CHRM5: variants seen among roughly 807,000 people sequenced by gnomAD.
The protein encoded by CHRM5 is cholinergic receptor muscarinic 5, also known as muscarinic acetylcholine receptor M5.
Under a neutral mutation model 39.0 loss-of-function variants are expected in CHRM5, and 18 were observed. The observed-to-expected ratio is 0.46, with a 90% confidence interval of 0.32 to 0.68. CHRM5 has a LOEUF of 0.68. Among genes scored for constraint, CHRM5 ranks in the 30% least tolerant of loss-of-function variants. The probability of loss-of-function intolerance (pLI) is 0.04; values close to 1 mark genes in which losing one functional copy is unlikely to be tolerated. For missense variants in CHRM5, 515 were observed against 651.1 expected, an observed-to-expected ratio of 0.79 and a Z score of 2.28; for synonymous variants, 241 against 246.3, an observed-to-expected ratio of 0.98 and a Z score of 0.20.
In CHRM5 at chr15:34,064,568, G is replaced by A; in HGVS notation, c.*252G>A. The A allele has an allele frequency of 1.9e-6, 1 of 533,102 alleles. No individual in the cohort carries two copies. The highest frequency in any genetic ancestry group is 2.4e-5 in the South Asian group (1 of 41,104). 33.0% of individuals were successfully genotyped at this position (533,102 alleles called of 1,614,324 possible). ...GGGGAGTTTGCCAATGAAGTAAAGG[G>A]ATAGGCTCATGGCCCTTCACAAGAG... On this transcript the variant is annotated 3_prime_UTR_variant, in exon 3 of 3. Transcript: ENST00000383263.
Position 34,064,681 on chromosome 15 carries a change from C to A in CHRM5, c.*365C>A, listed in dbSNP as rs1473482073. On this transcript the variant is annotated 3_prime_UTR_variant, in exon 3 of 3. Transcript: ENST00000383263. ...GCAGAGACCAGGTGGAAACCTTTTC[C>A]TGTGGAAACCTGTCATAGAATTTTG... The A allele has an allele frequency of 8.5e-6, 2 of 234,458 alleles. No homozygotes were observed. The highest frequency in any genetic ancestry group is 4.6e-5 in the African/African-American group (2 of 43,678). The allele number at this position is 234,458 out of a possible 1,614,324, so 14.5% of individuals were successfully genotyped here.
intron 1 of CHRM5, chr15:34,003,259 T>C: frequency 6.4e-7 from 1 of 1,563,184 alleles, no homozygotes; most frequent in Non-Finnish European, 8.7e-7. Context: ...AATCCTGACC[T>C]TAGTAGACTT....
intron 1 of CHRM5, among the ~76,000 whole-genome samples, chr15:34,009,363 T>C (rs1290218726): frequency 6.6e-6 from 1 of 152,180 alleles, no homozygotes; most frequent in African/African-American, 2.4e-5. Context: ...AACTATAAAA[T>C]ATCACATAAA....
At chr15:34,043,499 T>C (rs1899563630) in intron 1 of CHRM5, among the ~76,000 whole-genome samples, 1 of 152,188 alleles carries the variant, frequency 6.6e-6, no homozygotes, top group Non-Finnish European at 1.5e-5. Context: ...TTATTTACTA[T>C]GTTGTTTTGA....
chr15:34,016,659 G>C (rs1315231531), intron 1 of CHRM5, among the ~76,000 whole-genome samples: 1 of 152,188 alleles, frequency 6.6e-6, no homozygotes, highest in African/African-American at 2.4e-5. Context: ...CTGCCTGCTT[G>C]TATGCTATGG....
At chr15:34,058,073 G>A (rs1002508357) in intron 2 of CHRM5, among the ~76,000 whole-genome samples, 1 of 152,134 alleles carries the variant, frequency 6.6e-6, no homozygotes, top group Non-Finnish European at 1.5e-5. Flanking sequence ...TGAGTTCTAA[G>A]GCAGTTTGGT....
At chr15:34,009,183 GT>G (rs1314617893) in intron 1 of CHRM5, among the ~76,000 whole-genome samples, 1 of 151,980 alleles carries the variant, frequency 6.6e-6, no homozygotes, top group Non-Finnish European at 1.5e-5. Flanking sequence ...AAAAGTGAGG[GT>G]GAAAAAAAGA....
intron 1 of CHRM5, among the ~76,000 whole-genome samples, chr15:33,999,319 C>T (rs1477120582): frequency 6.6e-6 from 1 of 152,228 alleles, no homozygotes; most frequent in Non-Finnish European, 1.5e-5. Flanking sequence ...GGTAACATCT[C>T]TGCCGCTACT....
rs1214230364 is a variant in CHRM5 at position 34,063,263 on chromosome 15, G to A, written c.546G>A (p.Glu182=). ...LVGKRTVPLD[E]CQIQFLSEPT... is the part of the protein sequence containing the mutation. Reference sequence around the variant, plus strand: ...GGAAGCGGACAGTTCCACTGGATGAGTGCCAGATCCAGTTTCTCTCTGAGC... The same window carrying A: ...GGAAGCGGACAGTTCCACTGGATGAATGCCAGATCCAGTTTCTCTCTGAGC... The change falls in exon 3 of 3, where the codon GAG becomes GAA. Residue 182 remains glutamate, a synonymous_variant. Transcript: ENST00000383263. This position sits in a 1 kb window ranked among gnomAD's most constrained non-coding sequence, Gnocchi z 4.1. 6.2e-7 allele frequency: 1 copy of A among 1,614,176 alleles called. No individual in the cohort carries two copies. The highest frequency in any genetic ancestry group is 8.5e-7 in the Non-Finnish European group (1 of 1,180,046).
chr15:33,997,975 T>C (rs1897003944), intron 1 of CHRM5, among the ~76,000 whole-genome samples: 1 of 152,158 alleles, frequency 6.6e-6, no homozygotes, highest in South Asian at 2.1e-4. Flanking sequence ...TAGGAAACTA[T>C]ACTTTCCCAC....
chr15:34,035,903 C>T (rs369549620), intron 1 of CHRM5, among the ~76,000 whole-genome samples: 7 of 152,166 alleles, frequency 4.6e-5, no homozygotes, highest in Non-Finnish European at 4.4e-5. Context: ...CAAAACAATC[C>T]GGCTGCTTCA....
chr15:34,034,058 T>G (rs1049547845), intron 1 of CHRM5, among the ~76,000 whole-genome samples: 46 of 152,218 alleles, frequency 3.0e-4, no homozygotes, highest in Admixed American at 2.0e-3. Context: ...GTGCTGGGAT[T>G]ACAGGCATGA....
Position 34,063,653 on chromosome 15 carries a change from G to C in CHRM5, c.936G>C (p.Glu312Asp). 6.2e-7 allele frequency: 1 copy of C among 1,614,130 alleles called. No homozygotes were observed. Among genetic ancestry groups the C allele is most frequent in the Non-Finnish European group, 8.5e-7 (1 of 1,180,030 alleles). ...GCAGCTACCCTTCCTCAGAGGATGAGGACAAGCCCGCCACTGACCCTGTCC... is the reference window on the plus strand; with the variant it reads ...GCAGCTACCCTTCCTCAGAGGATGACGACAAGCCCGCCACTGACCCTGTCC... ...TCSSYPSSED[E>D]DKPATDPVLQ... The change falls in exon 3 of 3, where the codon GAG (glutamate) becomes GAC (aspartate). Residue 312 changes from glutamate (E) to aspartate (D), a missense_variant. By Grantham distance (45) the Glu-to-Asp change is conservative. Coordinates refer to ENST00000383263, the MANE Select transcript of CHRM5 (RefSeq NM_012125.4). This position sits in a 1 kb window ranked among gnomAD's most constrained non-coding sequence, Gnocchi z 4.1.
chr15:33,988,027 C>A (rs1896552873), intron 1 of CHRM5, among the ~76,000 whole-genome samples: 1 of 152,216 alleles, frequency 6.6e-6, no homozygotes, highest in Non-Finnish European at 1.5e-5. Context: ...CACCCTCCAA[C>A]ACAACTGGGA....
At chr15:34,038,918 G>GCCGCCT (rs1370994435) in intron 1 of CHRM5, 5 of 715,806 alleles carry the variant, frequency 7.0e-6, no homozygotes, top group Admixed American at 7.2e-5. Context: ...CGTCCCCGCC[G>GCCGCCT]CCGCCTCCGC....
intron 1 of CHRM5, among the ~76,000 whole-genome samples, chr15:33,988,717 G>A (rs769540812): frequency 1.1e-4 from 16 of 152,238 alleles, no homozygotes; most frequent in South Asian, 2.1e-4. Flanking sequence ...TAGAATTATC[G>A]CAAAATTAAA....
At position 34,062,696 on chromosome 15, in the gene CHRM5, A is replaced by G; in HGVS notation, c.-22A>G. 3 of 1,587,804 alleles carry G rather than the reference A, an allele frequency of 1.9e-6. No homozygotes were observed. The highest frequency in any genetic ancestry group is 2.6e-6 in the Non-Finnish European group (3 of 1,165,948). ...AACAGCCTAGAACCTAACACTATTTACTGTAAAATTTTTGCACCAGGATGG... is the reference window on the plus strand; with the variant it reads ...AACAGCCTAGAACCTAACACTATTTGCTGTAAAATTTTTGCACCAGGATGG... On this transcript the variant is annotated 5_prime_UTR_variant, in exon 3 of 3. Transcript: ENST00000383263.
In CHRM5 at chr15:34,062,794, G is replaced by C. The variant is rs1900389096; in HGVS notation, c.77G>C (p.Arg26Thr). 8 of 1,614,212 alleles carry C rather than the reference G, an allele frequency of 5.0e-6. No individual in the cohort carries two copies. The highest frequency in any genetic ancestry group is 6.8e-6 in the Non-Finnish European group (8 of 1,180,034). The change falls in exon 3 of 3, where the codon AGG becomes ACG. Residue 26 changes from arginine to threonine, a missense_variant. Arg to Thr is a moderately conservative substitution (Grantham distance 71). Transcript: ENST00000383263. Reference protein sequence around the residue: ...PVNHQPLERHRLWEVITIAAV... With the variant: ...PVNHQPLERHTLWEVITIAAV... ...AATCACCAGCCTTTGGAACGCCACA[G>C]GTTGTGGGAAGTCATCACCATTGCA...
rs552571195 is a variant in CHRM5 at position 33,995,185 on chromosome 15, G to A, written c.-408+26035G>A. Among the ~76,000 whole-genome samples the A allele has an allele frequency of 6.6e-5, 10 of 152,190 alleles. No individual in the cohort carries two copies. In the East Asian group the frequency reaches 1.9e-3, roughly 29 times the overall value. ...AGGCTGGGGCAGGAGGATTGCTTGAGCCCAGGAGGTCAAGGCTGCAGTGAG... is the reference window on the plus strand; with the variant it reads ...AGGCTGGGGCAGGAGGATTGCTTGAACCCAGGAGGTCAAGGCTGCAGTGAG... On this transcript the variant is annotated intron_variant, in intron 1 of 2. Transcript: ENST00000383263.
Sources: allele counts gnomAD v4.1 joint callset (sites outside exome capture counted in the v4.1 genomes callset), GRCh38; gene constraint gnomAD v4.1.1; non-coding constraint Gnocchi (gnomAD v3.1); transcripts MANE v1.5; gene names NCBI Gene and HGNC (gene_info 2026-07-23, HGNC 2026-07-21).